BCL2: variants seen among roughly 807,000 people sequenced by gnomAD.
BCL2 encodes the protein apoptosis regulator Bcl-2.
A neutral mutation model predicts 14.2 loss-of-function variants in BCL2; 1 was observed. The observed-to-expected ratio is 0.07, with a 90% CI of 0.02 to 0.33. The LOEUF is 0.33. BCL2 is among the 10% of genes least tolerant of loss of function. The pLI, the probability that BCL2 is intolerant of heterozygous loss-of-function variation, is 0.99. For missense variants in BCL2, 247 were observed against 305.9 expected (o/e 0.81, Z 1.44); for synonymous variants, 151 against 137.2 (o/e 1.10, Z -0.70).
At chr18:63,236,736 G>A (rs3826622) in intron 2 of BCL2, among the ~76,000 whole-genome samples, 4 of 152,114 alleles carry the variant, frequency 2.6e-5, no homozygotes, top group African/African-American at 7.2e-5. Flanking sequence ...AAGTGAGATC[G>A]ATGGCCTCCG....
intron 2 of BCL2, among the ~76,000 whole-genome samples, chr18:63,285,513 C>T (rs1206985204): frequency 6.6e-6 from 1 of 152,198 alleles, no homozygotes; most frequent in Non-Finnish European, 1.5e-5. Flanking sequence ...CTGCACCCTC[C>T]CCACAATCTT....
intron 2 of BCL2, among the ~76,000 whole-genome samples, chr18:63,198,002 C>A (rs1017905758): frequency 6.6e-6 from 1 of 152,184 alleles, no homozygotes. Context: ...TTTATTTGAG[C>A]TTTTCAGGTT....
chr18:63,267,634 G>A (rs183956039), intron 2 of BCL2, among the ~76,000 whole-genome samples: 10 of 152,282 alleles, frequency 6.6e-5, no homozygotes, highest in African/African-American at 2.4e-4. Flanking sequence ...GTGATCTGTA[G>A]CTAGCTACAT....
chr18:63,302,218 A>T, intron 2 of BCL2: 1 of 492,276 alleles, frequency 2.0e-6, no homozygotes. Flanking sequence ...CTGTAATCCC[A>T]GCTACTCGGG....
rs2144326558 is a variant in BCL2 at position 63,318,687 on chromosome 18, C to T, written c.-21G>A. ...GCCATCCTTCCCAGAGGAAAAGCAA[C>T]GGGGGCCAACGGCACCTCTCGCCCC... is the stretch of plus-strand genomic sequence containing the variant. On this transcript the variant is annotated 5_prime_UTR_variant, in exon 2 of 3. Transcript: ENST00000333681. The surrounding 1 kb of genome is among the most constrained non-coding windows in gnomAD (Gnocchi z 7.4). 1 of 1,612,010 alleles carries T rather than the reference C, an allele frequency of 6.2e-7. No individual in the cohort carries two copies. The highest frequency in any genetic ancestry group is 8.5e-7 in the Non-Finnish European group (1 of 1,178,960).
At chr18:63,291,284 G>A (rs568020781) in intron 2 of BCL2, among the ~76,000 whole-genome samples, 39 of 152,214 alleles carry the variant, frequency 2.6e-4, no homozygotes, top group Admixed American at 1.5e-3. Context: ...TGTATTTGTC[G>A]AAAGAATCTC....
In BCL2 at chr18:63,299,754, C is replaced by T. The variant is rs933358579; in HGVS notation, c.585+18328G>A. Reference sequence around the variant, plus strand: ...GCCCTTCAATTACTCTGCTTATTTGCATATGGTACCCTTTCACATTCTCCA... The same window carrying T: ...GCCCTTCAATTACTCTGCTTATTTGTATATGGTACCCTTTCACATTCTCCA... On this transcript the variant is annotated intron_variant, in intron 2 of 2. Transcript: ENST00000333681. Among the ~76,000 whole-genome samples, 9 of 151,968 alleles carry T rather than the reference C, an allele frequency of 5.9e-5. No homozygotes were observed. The East Asian group carries it at 1.7e-3, about 29-fold the overall frequency.
intron 2 of BCL2, among the ~76,000 whole-genome samples, chr18:63,249,894 C>A (rs961022362): frequency 1.3e-5 from 2 of 152,006 alleles, no homozygotes; most frequent in South Asian, 4.1e-4. Context: ...ATTAGAGGAG[C>A]AGGCCCCCAG....
At position 63,202,693 on chromosome 18, in the gene BCL2, T is replaced by C. The variant is rs572954089; in HGVS notation, c.586-73934A>G. On this transcript the variant is annotated intron_variant, in intron 2 of 2. Coordinates refer to ENST00000333681, the MANE Select transcript of BCL2 (RefSeq NM_000633.3). ...ACTTTGATTAGGCATCAAATTTCTA[T>C]CTTTCTTTAACTCTCTTTGATGTTT... Among the ~76,000 whole-genome samples the C allele has an allele frequency of 5.6e-4, 85 of 152,336 alleles. 3 individuals carry two copies. In the South Asian group the frequency reaches 0.015, roughly 27 times the overall value.
intron 2 of BCL2, among the ~76,000 whole-genome samples, chr18:63,176,063 G>C (rs546856448): frequency 2.6e-5 from 4 of 152,324 alleles, no homozygotes; most frequent in South Asian, 4.1e-4. Context: ...CTCCCACAGC[G>C]TGGTTTGGTT....
At chr18:63,169,422 TCTC>T (rs1208908485) in intron 2 of BCL2, among the ~76,000 whole-genome samples, 1 of 139,626 alleles carries the variant, frequency 7.2e-6, no homozygotes, top group South Asian at 2.2e-4. Context: ...TCTCTCTCTC[TCTC>T]TCTTTCTTTT....
At chr18:63,239,008 G>T (rs1249277253) in intron 2 of BCL2, among the ~76,000 whole-genome samples, 1 of 152,218 alleles carries the variant, frequency 6.6e-6, no homozygotes, top group African/African-American at 2.4e-5. Context: ...CCGGGTAGGG[G>T]AGAGGCGGGG....
In BCL2 at chr18:63,271,073, C is replaced by T. The variant is rs941129766; in HGVS notation, c.585+47009G>A. 3.3e-5 allele frequency among the ~76,000 whole-genome samples: 5 copies of T among 152,296 alleles called. No homozygotes were observed. In the South Asian group the frequency reaches 8.3e-4, roughly 25 times the overall value. ...CTGGCCTCAAGTGATCCACCCACCTCGGCCTTCCGAAGTGCTGAGATTACA... is the reference window on the plus strand; with the variant it reads ...CTGGCCTCAAGTGATCCACCCACCTTGGCCTTCCGAAGTGCTGAGATTACA... On this transcript the variant is annotated intron_variant, in intron 2 of 2. Coordinates refer to ENST00000333681, the MANE Select transcript of BCL2 (RefSeq NM_000633.3).
intron 2 of BCL2, among the ~76,000 whole-genome samples, chr18:63,156,172 G>A (rs1400227310): frequency 6.6e-6 from 1 of 150,464 alleles, no homozygotes; most frequent in African/African-American, 2.4e-5. Flanking sequence ...GAAAGCAAGA[G>A]CCAACATAGA....
Position 63,127,099 on chromosome 18 carries a change from T to G in BCL2, c.*1526A>C, listed in dbSNP as rs770687321. ...TATTCCACACCTGGAACTTTTTTTTTGTCAGGTTTTCAAATAAAACCAAAC... is the reference window on the plus strand; with the variant it reads ...TATTCCACACCTGGAACTTTTTTTTGGTCAGGTTTTCAAATAAAACCAAAC... On this transcript the variant is annotated 3_prime_UTR_variant, in exon 3 of 3. Coordinates refer to ENST00000333681, the MANE Select transcript of BCL2 (RefSeq NM_000633.3). 53 of 229,042 alleles carry G rather than the reference T, an allele frequency of 2.3e-4. No individual in the cohort carries two copies. The highest frequency in any genetic ancestry group is 4.0e-4 in the Non-Finnish European group (46 of 115,494). The allele number at this position is 229,042 out of a possible 1,614,324, so 14.2% of individuals were successfully genotyped here.
intron 2 of BCL2, chr18:63,302,803 C>G: frequency 1.0e-6 from 1 of 984,868 alleles, no homozygotes. Context: ...AGTTTCCTGG[C>G]CCATGCTGAA....
In BCL2 at chr18:63,149,275, AC is replaced by A. The variant is rs1182227250; in HGVS notation, c.586-20517del. Among the ~76,000 whole-genome samples, 1 of 152,222 alleles carries A rather than the reference AC, an allele frequency of 6.6e-6. No homozygotes were observed. The highest frequency in any genetic ancestry group is 1.5e-5 in the Non-Finnish European group (1 of 68,030). On this transcript the variant is annotated intron_variant, in intron 2 of 2. Coordinates refer to ENST00000333681, the MANE Select transcript of BCL2 (RefSeq NM_000633.3). This position sits in a 1 kb window ranked among gnomAD's most constrained non-coding sequence, Gnocchi z 4.2. ...CAGGCATTCGGTTCCCATAAGGAGC[AC>A]ACAACCTAGATCCCTTGTGGGCACA... is the stretch of plus-strand genomic sequence containing the variant.
intron 2 of BCL2, among the ~76,000 whole-genome samples, chr18:63,215,448 T>C (rs115439589): frequency 5.3e-4 from 81 of 152,328 alleles, no homozygotes; most frequent in African/African-American, 1.8e-3. Context: ...CAGCAATCTA[T>C]CACTGTTAAA....
chr18:63,197,514 C>T (rs557617355), intron 2 of BCL2, among the ~76,000 whole-genome samples: 2 of 152,298 alleles, frequency 1.3e-5, no homozygotes, highest in East Asian at 3.9e-4. Context: ...CAGTGACAAT[C>T]CTCTGGTGAC....
Sources: gnomAD v4.1 joint callset for allele counts (sites outside exome capture counted in the v4.1 genomes callset) on GRCh38, gnomAD v4.1.1 for gene constraint, Gnocchi (gnomAD v3.1) non-coding constraint, MANE v1.5 for transcripts, NCBI Gene and HGNC (gene_info 2026-07-23, HGNC 2026-07-21) for gene names.